The following CD4 variants were observed in gnomAD, a reference collection of about 807,000 sequenced individuals.
CD4 encodes CD4 molecule.
CD4 carries 25 observed loss-of-function variants against 50.5 expected under a neutral mutation model. The ratio of observed to expected loss-of-function variants is 0.49; its 90% CI spans 0.36 to 0.69. CD4 has a LOEUF of 0.69. Among genes scored for constraint, CD4 ranks in the 30% least tolerant of loss-of-function variants. CD4 has a pLI of 0.00. For synonymous variants in CD4, 207 were observed against 221.9 expected, an observed-to-expected ratio of 0.93 and a Z score of 0.60; for missense variants, 456 against 548.5, an observed-to-expected ratio of 0.83 and a Z score of 1.68.
intron 1 of CD4, among the ~76,000 whole-genome samples, chr12:6,794,163 C>T (rs540882853): frequency 2.0e-5 from 3 of 151,580 alleles, no homozygotes; most frequent in African/African-American, 7.3e-5. Flanking sequence ...ACCTCCGCCT[C>T]CCGGGTTCAA....
rs56153037 is a variant in CD4, at chr12:6,793,649, CATCTATCTATCTATCTATCT to C, written c.-68+4024_-68+4043del. Among the ~76,000 whole-genome samples the C allele has an allele frequency of 6.0e-4, 77 of 128,234 alleles. 1 individual carries two copies. The Middle Eastern group carries it at 0.012, about 21-fold the overall frequency. 84.1% of individuals were successfully genotyped at this position (128,234 alleles called of 152,430 possible). On this transcript the variant is annotated intron_variant, in intron 1 of 9. Transcript: ENST00000011653. Reference sequence around the variant, plus strand: ...TTTAAACAAAATTGTATCTATCTATCATCTATCTATCTATCTATCTATCTATCTATCTATCTATCTATCTA... The same window carrying C: ...TTTAAACAAAATTGTATCTATCTATCATCTATCTATCTATCTATCTATCTA...
intron 3 of CD4, among the ~76,000 whole-genome samples, chr12:6,810,821 T>C (rs1942915906): frequency 9.1e-6 from 1 of 109,688 alleles, no homozygotes; most frequent in African/African-American, 3.5e-5. Flanking sequence ...AAACAGCAAG[T>C]AGGGCAGGAA....
chr12:6,817,366 G>C, intron 7 of CD4, 36 bp downstream of exon 7: 2 of 1,530,036 alleles, frequency 1.3e-6, no homozygotes, highest in Non-Finnish European at 1.8e-6. Flanking sequence ...TGCCTCCTGG[G>C]CTGCGGGACC....
At chr12:6,802,011 C>T (rs999207976) in intron 3 of CD4, among the ~76,000 whole-genome samples, 15 of 151,392 alleles carry the variant, frequency 9.9e-5, no homozygotes, top group East Asian at 1.9e-4. Flanking sequence ...GTAGCTGGGA[C>T]TACAGGCGTG....
At chr12:6,810,594 G>A (rs1032383335) in intron 3 of CD4, among the ~76,000 whole-genome samples, 1 of 152,136 alleles carries the variant, frequency 6.6e-6, no homozygotes, top group Non-Finnish European at 1.5e-5. Flanking sequence ...GACAGAGTCT[G>A]GGACAACACC....
At chr12:6,796,888 T>C (rs1464100826) in intron 1 of CD4, among the ~76,000 whole-genome samples, 2 of 152,166 alleles carry the variant, frequency 1.3e-5, no homozygotes, top group African/African-American at 4.8e-5. Flanking sequence ...GCTTTTCCCA[T>C]ACCTTCTTCC....
intron 3 of CD4, among the ~76,000 whole-genome samples, chr12:6,806,741 A>T (rs1276435472): frequency 2.6e-5 from 4 of 152,222 alleles, no homozygotes; most frequent in Non-Finnish European, 5.9e-5. Context: ...AACCTATCAG[A>T]ATGGCTAAAT....
In CD4 at chr12:6,792,965, G is replaced by C. The variant is rs973604244; in HGVS notation, c.-68+3303G>C. On this transcript the variant is annotated intron_variant, in intron 1 of 9. Coordinates refer to ENST00000011653, the MANE Select transcript of CD4 (RefSeq NM_000616.5). The surrounding 1 kb of genome is among the most constrained non-coding windows in gnomAD (Gnocchi z 4.1). ...GTGAGCTGAGAAGCAAGGAGGGAGAGAGAGAGACAGAAAGAGAGAGAGAGA... is the reference window on the plus strand; with the variant it reads ...GTGAGCTGAGAAGCAAGGAGGGAGACAGAGAGACAGAAAGAGAGAGAGAGA... Among the ~76,000 whole-genome samples the C allele has an allele frequency of 6.6e-6, 1 of 152,052 alleles. No homozygotes were observed. Among genetic ancestry groups the C allele is most frequent in the Admixed American group, 6.6e-5 (1 of 15,264 alleles).
intron 1 of CD4, among the ~76,000 whole-genome samples, chr12:6,793,991 T>TATCTATCTATCTATCTATC (rs1942281732): frequency 6.6e-6 from 1 of 151,608 alleles, no homozygotes; most frequent in Non-Finnish European, 1.5e-5. Context: ...TCTATCTATC[T>TATCTATCTATCTATCTATC]ATCTATCTAT....
At chr12:6,801,224 TA>T (rs782659953) in intron 3 of CD4, among the ~76,000 whole-genome samples, 115 of 140,152 alleles carry the variant, frequency 8.2e-4, no homozygotes, top group Non-Finnish European at 1.0e-3. Flanking sequence ...TTTTTTTAAT[TA>T]AAAAAAAAAA....
At chr12:6,810,325 G>A (rs1156749540) in intron 3 of CD4, among the ~76,000 whole-genome samples, 1 of 152,230 alleles carries the variant, frequency 6.6e-6, no homozygotes, top group African/African-American at 2.4e-5. Flanking sequence ...TGGACAAGCA[G>A]GCCATGGTTT....
At chr12:6,802,799 C>T (rs1356569717) in intron 3 of CD4, among the ~76,000 whole-genome samples, 1 of 150,996 alleles carries the variant, frequency 6.6e-6, no homozygotes, top group Non-Finnish European at 1.5e-5. Flanking sequence ...TGCAATGGCG[C>T]GATCTCAGCT....
rs202028153 is a variant in CD4, at chr12:6,814,824, C to T, written c.439C>T (p.Pro147Ser). 1 of 1,613,634 alleles carries T rather than the reference C, an allele frequency of 6.2e-7. No homozygotes were observed. The highest frequency in any genetic ancestry group is 1.1e-5 in the South Asian group (1 of 91,056). ...QSLTLTLESPPGSSPSVQCRS... is the reference protein window; with the variant it reads ...QSLTLTLESPSGSSPSVQCRS... ...CCTGACCCTGACCTTGGAGAGCCCC[C>T]CTGGTAGTAGCCCCTCAGTGCAATG... The change falls in exon 5 of 10, where the codon CCT becomes TCT. Residue 147 changes from proline to serine, a missense_variant. Transcript: ENST00000011653.
At chr12:6,791,383 C>T (rs1173730099) in intron 1 of CD4, among the ~76,000 whole-genome samples, 1 of 152,186 alleles carries the variant, frequency 6.6e-6, no homozygotes, top group Non-Finnish European at 1.5e-5. Context: ...GCTGGGATTA[C>T]AGGAGCCCAA....
intron 1 of CD4, among the ~76,000 whole-genome samples, chr12:6,795,660 A>C (rs985910474): frequency 4.4e-4 from 67 of 152,388 alleles, no homozygotes; most frequent in African/African-American, 1.6e-3. Context: ...GAACCCAGAG[A>C]GTGCTTGCAC....
chr12:6,819,015 G>A (rs1943196570), intron 9 of CD4, 101 bp downstream of exon 9: 2 of 780,692 alleles, frequency 2.6e-6, no homozygotes, highest in Non-Finnish European at 4.2e-6. Context: ...AGGAAGGGAG[G>A]ATGGAGAGGA....
chr12:6,805,225 A>C (rs1357670853), intron 3 of CD4, among the ~76,000 whole-genome samples: 1 of 150,526 alleles, frequency 6.6e-6, no homozygotes, highest in Non-Finnish European at 1.5e-5. Flanking sequence ...AAGAAAAGAA[A>C]AGAAAAAGAA....
chr12:6,817,947 TCA>T (rs1341170891), intron 7 of CD4, among the ~76,000 whole-genome samples: 2 of 149,800 alleles, frequency 1.3e-5, no homozygotes, highest in Non-Finnish European at 3.0e-5. Flanking sequence ...ACTTATACAC[TCA>T]CATCCGCACA....
intron 3 of CD4, among the ~76,000 whole-genome samples, chr12:6,809,563 A>G (rs1236572027): frequency 6.6e-6 from 1 of 151,936 alleles, no homozygotes. Flanking sequence ...ATCACCAGCC[A>G]AGGCTCACAT....
Sources: allele counts gnomAD v4.1 joint callset (sites outside exome capture counted in the v4.1 genomes callset), GRCh38; gene constraint gnomAD v4.1.1; non-coding constraint Gnocchi (gnomAD v3.1); transcripts MANE v1.5; gene names NCBI Gene and HGNC (gene_info 2026-07-23, HGNC 2026-07-21).